The following PAK2 variants were observed in gnomAD, a reference collection of about 807,000 sequenced individuals.
The protein encoded by PAK2 is p21 (RAC1) activated kinase 2, also known as serine/threonine-protein kinase PAK 2.
Under a neutral mutation model 65.9 loss-of-function variants are expected in PAK2, and 21 were observed. The ratio of observed to expected loss-of-function variants is 0.32; its 90% CI spans 0.23 to 0.46. PAK2 has a LOEUF of 0.46. Among genes scored for constraint, PAK2 ranks in the 20% least tolerant of loss-of-function variants. PAK2 has a pLI of 1.00. For missense variants in PAK2, 324 were observed against 642.6 expected, an observed-to-expected ratio of 0.50 and a Z score of 5.36; for synonymous variants, 204 against 219.7, an observed-to-expected ratio of 0.93 and a Z score of 0.63.
intron 1 of PAK2, among the ~76,000 whole-genome samples, chr3:196,756,090 CTTG>C (rs1176714312): frequency 1.3e-5 from 2 of 152,130 alleles, no homozygotes; most frequent in Non-Finnish European, 2.9e-5. Context: ...TTGTTGCTGA[CTTG>C]TTGTCTCCCT....
At chr3:196,807,006 C>G (rs1715606682) in intron 6 of PAK2, among the ~76,000 whole-genome samples, 2 of 152,150 alleles carry the variant, frequency 1.3e-5, no homozygotes, top group Non-Finnish European at 2.9e-5. Flanking sequence ...ACGACTAAAT[C>G]TAAAACTTAG....
At chr3:196,817,582 A>T (rs62410761) in intron 11 of PAK2, among the ~76,000 whole-genome samples, 22,374 of 151,510 alleles carry the variant, frequency 0.15, 1,977 homozygotes, top group Admixed American at 0.2. Flanking sequence ...CGAACTGCTG[A>T]CCTCAGGTGA....
chr3:196,788,298 T>G (rs1239353866), intron 2 of PAK2, among the ~76,000 whole-genome samples: 1 of 152,228 alleles, frequency 6.6e-6, no homozygotes, highest in Non-Finnish European at 1.5e-5. Context: ...ATCTCTAATG[T>G]AAGGCCTGAT....
chr3:196,782,063 G>A (rs560573747), intron 1 of PAK2, among the ~76,000 whole-genome samples: 2 of 152,206 alleles, frequency 1.3e-5, no homozygotes, highest in South Asian at 2.1e-4. Flanking sequence ...CTGAGATCAC[G>A]CCACTGCACT....
intron 1 of PAK2, among the ~76,000 whole-genome samples, chr3:196,749,263 C>T (rs534657662): frequency 6.6e-6 from 1 of 152,170 alleles, no homozygotes; most frequent in African/African-American, 2.4e-5. Context: ...GGTACATACC[C>T]AGAATGGAAT....
At position 196,812,860 on chromosome 3, in the gene PAK2, G is replaced by A. The variant is rs946293494; in HGVS notation, c.935+9G>A. The A allele has an allele frequency of 1.0e-5, 12 of 1,162,744 alleles. No homozygotes were observed. The highest frequency in any genetic ancestry group is 9.0e-5 in the Admixed American group (5 of 55,488). 72.0% of individuals were successfully genotyped at this position (1,162,744 alleles called of 1,614,324 possible). A position where few individuals can be genotyped will look rare whatever the true frequency, so the allele number is the denominator to read the frequency against. ...GTTAACTTTTTGGACAGGTAAGTAT[G>A]ACTATTCCTTAAACACCGGGAGAAA... is the stretch of plus-strand genomic sequence containing the variant. On this transcript the variant is annotated intron_variant, in intron 10 of 14. Coordinates refer to ENST00000327134, the MANE Select transcript of PAK2 (RefSeq NM_002577.4).
intron 1 of PAK2, among the ~76,000 whole-genome samples, chr3:196,764,471 T>A (rs954420790): frequency 6.6e-6 from 1 of 151,620 alleles, no homozygotes; most frequent in South Asian, 2.1e-4. Context: ...TACAAAAAAT[T>A]AGCCAGGCAT....
chr3:196,825,381 C>T (rs1383454213), intron 13 of PAK2, among the ~76,000 whole-genome samples: 3 of 147,322 alleles, frequency 2.0e-5, no homozygotes, highest in Non-Finnish European at 3.0e-5. Context: ...CAGTGGCTCA[C>T]ACCTGTAATC....
intron 8 of PAK2, among the ~76,000 whole-genome samples, chr3:196,811,166 G>T: frequency 6.9e-6 from 1 of 145,650 alleles, no homozygotes; most frequent in African/African-American, 2.5e-5. Context: ...GAGGGCTTAA[G>T]CCATTTTTGA....
rs1014830199 is a variant in PAK2, at chr3:196,815,736, G to A, written c.1053+1168G>A. 2.8e-4 allele frequency among the ~76,000 whole-genome samples: 43 copies of A among 151,630 alleles called. 2 individuals are homozygous for A. Among genetic ancestry groups the A allele is most frequent in the African/African-American group, 8.5e-4 (35 of 41,338 alleles). On this transcript the variant is annotated intron_variant, in intron 11 of 14. Transcript: ENST00000327134. Reference sequence around the variant, plus strand: ...CAAGAGGCGGAGGTCACAGTGAGCCGAGATCGTGCCACTGCATTCCAGCCT... The same window carrying A: ...CAAGAGGCGGAGGTCACAGTGAGCCAAGATCGTGCCACTGCATTCCAGCCT...
At chr3:196,763,604 T>C (rs1052097864) in intron 1 of PAK2, among the ~76,000 whole-genome samples, 1 of 152,026 alleles carries the variant, frequency 6.6e-6, no homozygotes. Context: ...AGAGGTCACA[T>C]GACAGTAAAA....
At chr3:196,792,154 A>G (rs536915318) in intron 2 of PAK2, among the ~76,000 whole-genome samples, 1 of 152,294 alleles carries the variant, frequency 6.6e-6, no homozygotes, top group East Asian at 1.9e-4. Context: ...ATCTTTCCCA[A>G]CTATCTGCAT....
chr3:196,804,782 T>TA (rs1420021327), intron 4 of PAK2, among the ~76,000 whole-genome samples: 1 of 149,540 alleles, frequency 6.7e-6, no homozygotes, highest in Non-Finnish European at 1.5e-5. Context: ...GCGTATGTAA[T>TA]ATGTGATATG....
chr3:196,773,849 G>T (rs184392919), intron 1 of PAK2, among the ~76,000 whole-genome samples: 1 of 151,886 alleles, frequency 6.6e-6, no homozygotes, highest in Non-Finnish European at 1.5e-5. Flanking sequence ...TCCAGCCTGG[G>T]CGACAGAATC....
chr3:196,800,202 G>A (rs925943600), intron 2 of PAK2, among the ~76,000 whole-genome samples: 1 of 152,054 alleles, frequency 6.6e-6, no homozygotes, highest in African/African-American at 2.4e-5. Flanking sequence ...CCAACATGGT[G>A]AAACCCCATC....
intron 1 of PAK2, among the ~76,000 whole-genome samples, chr3:196,744,186 A>G (rs1247070020): frequency 6.6e-6 from 1 of 152,168 alleles, no homozygotes; most frequent in Non-Finnish European, 1.5e-5. Context: ...AGCCAGGACA[A>G]TACAGGGGGA....
At chr3:196,793,537 C>T (rs1049387107) in intron 2 of PAK2, among the ~76,000 whole-genome samples, 36 of 151,942 alleles carry the variant, frequency 2.4e-4, no homozygotes, top group African/African-American at 8.2e-4. Context: ...CAGGATCACC[C>T]GACATTTATG....
At position 196,795,892 on chromosome 3, in the gene PAK2, T is replaced by A. The variant is rs551676799; in HGVS notation, c.188-6035T>A. Among the ~76,000 whole-genome samples, 13 of 152,266 alleles carry A rather than the reference T, an allele frequency of 8.5e-5. No individual in the cohort carries two copies. The South Asian group carries it at 2.7e-3, about 32-fold the overall frequency. ...TTCTGGACCTTTTTGGCACCCGGGA[T>A]TGGTTTCGCGGAAGGTAGTTTTTCC... On this transcript the variant is annotated intron_variant, in intron 2 of 14. Coordinates refer to ENST00000327134, the MANE Select transcript of PAK2 (RefSeq NM_002577.4).
intron 2 of PAK2, among the ~76,000 whole-genome samples, chr3:196,783,876 C>T (rs1714795693): frequency 6.6e-6 from 1 of 152,150 alleles, no homozygotes; most frequent in Non-Finnish European, 1.5e-5. Flanking sequence ...GCTTTTGAGA[C>T]TTGTTGATGT....
Sources: gnomAD v4.1 joint callset for allele counts (sites outside exome capture counted in the v4.1 genomes callset) on GRCh38, gnomAD v4.1.1 for gene constraint, MANE v1.5 for transcripts, NCBI Gene and HGNC (gene_info 2026-07-23, HGNC 2026-07-21) for gene names.